DGKD: variants seen among roughly 807,000 people sequenced by gnomAD.
DGKD encodes diacylglycerol kinase delta.
DGKD carries 68 observed loss-of-function variants against 154.4 expected under a neutral mutation model. That is an observed-to-expected ratio of 0.44 (90% confidence interval 0.36 to 0.54). The LOEUF (loss-of-function observed/expected upper bound fraction) is 0.54. Ranked by LOEUF, DGKD falls within the 20% of genes least tolerant of loss-of-function variation. DGKD has a pLI of 0.00. For missense variants in DGKD, 1,343 were observed against 1,593.6 expected (o/e 0.84, Z 2.68); for synonymous variants, 693 against 638.0 (o/e 1.09, Z -1.30).
intron 1 of DGKD, among the ~76,000 whole-genome samples, chr2:233,370,587 T>TTTTGTTG (rs1277101505): frequency 7.6e-4 from 115 of 150,982 alleles, no homozygotes; most frequent in African/African-American, 2.7e-3. Context: ...TTTTTTTTTT[T>TTTTGTTG]TTGTTTGAGT....
At chr2:233,450,206 G>T in intron 16 of DGKD, 75 bp downstream of exon 16, 1 of 1,476,352 alleles carries the variant, frequency 6.8e-7, no homozygotes, top group Non-Finnish European at 9.0e-7. Context: ...CTTGCCAGGG[G>T]AGGTTTTAGG....
chr2:233,366,716 C>G (rs1296832457), intron 1 of DGKD, among the ~76,000 whole-genome samples: 1 of 152,156 alleles, frequency 6.6e-6, no homozygotes, highest in Non-Finnish European at 1.5e-5. Flanking sequence ...CCCAGTCATG[C>G]AGCAGCAGTG....
intron 19 of DGKD, 36 bp downstream of exon 19, chr2:233,454,909 C>T (rs1239802854): frequency 2.9e-5 from 39 of 1,343,608 alleles, no homozygotes; most frequent in Non-Finnish European, 3.5e-5. Context: ...CTGTCTTTTG[C>T]GTCTTTGTGG....
rs368353150 is a variant in DGKD at position 233,467,222 on chromosome 2, C to T, written c.3424+19C>T. ...GCCCCGGGTACCTGCCTCTCTCCCG[C>T]GTGTGTTTCTGGCCGTCCACGCCTG... On this transcript the variant is annotated intron_variant, in intron 28 of 29. Transcript: ENST00000264057. 2.5e-5 allele frequency: 40 copies of T among 1,570,774 alleles called. No homozygotes were observed. Among genetic ancestry groups the T allele is most frequent in the East Asian group, 2.0e-4 (9 of 44,712 alleles).
In DGKD at chr2:233,471,688, C is replaced by G. The variant is rs1197387128; in HGVS notation, c.*2228C>G. ...TATGTTGTCAGTGATTAGAACAACACTGTTTACATAAAAACCATTTTTCTA... is the reference window on the plus strand; with the variant it reads ...TATGTTGTCAGTGATTAGAACAACAGTGTTTACATAAAAACCATTTTTCTA... On this transcript the variant is annotated 3_prime_UTR_variant, in exon 30 of 30. Transcript: ENST00000264057. 6.6e-6 allele frequency: 1 copy of G among 152,402 alleles called. No homozygotes were observed. Among genetic ancestry groups the G allele is most frequent in the Non-Finnish European group, 1.5e-5 (1 of 68,050 alleles). 9.4% of individuals were successfully genotyped at this position (152,402 alleles called of 1,614,324 possible).
At chr2:233,386,589 G>A (rs1287073927) in intron 1 of DGKD, among the ~76,000 whole-genome samples, 3 of 152,238 alleles carry the variant, frequency 2.0e-5, no homozygotes, top group Admixed American at 2.0e-4. Flanking sequence ...TGGCAAACAA[G>A]CGTCATCAGA....
intron 17 of DGKD, 54 bp from the exon 18 acceptor site, chr2:233,451,907 TCTC>T (rs1165365249): frequency 7.0e-7 from 1 of 1,430,296 alleles, no homozygotes; most frequent in Non-Finnish European, 9.8e-7. Flanking sequence ...GACACGAGCT[TCTC>T]CTAAGGCTGT....
In DGKD at chr2:233,457,820, C is replaced by CTGT. The variant is rs2063508268; in HGVS notation, c.2581-463_2581-461dup. On this transcript the variant is annotated intron_variant, in intron 21 of 29. Transcript: ENST00000264057. This position sits in a 1 kb window ranked among gnomAD's most constrained non-coding sequence, Gnocchi z 5.5. ...GCTGCAGGGCCTGGGTCACACTGGG[C>CTGT]TGTGTGAGCTGGGGAAGAAGTTTGG... 2 of 339,078 alleles carry CTGT rather than the reference C, an allele frequency of 5.9e-6. No homozygotes were observed. Among genetic ancestry groups the CTGT allele is most frequent in the Non-Finnish European group, 1.2e-5 (2 of 171,830 alleles). The allele number at this position is 339,078 out of a possible 1,614,324, so 21.0% of individuals were successfully genotyped here.
intron 1 of DGKD, among the ~76,000 whole-genome samples, chr2:233,382,309 A>G (rs1702946101): frequency 6.6e-6 from 1 of 152,196 alleles, no homozygotes; most frequent in Non-Finnish European, 1.5e-5. Flanking sequence ...AAACATTTGT[A>G]TGTTAATTTT....
intron 3 of DGKD, among the ~76,000 whole-genome samples, chr2:233,430,794 ACT>A (rs2062482929): frequency 6.6e-6 from 1 of 152,090 alleles, no homozygotes; most frequent in Non-Finnish European, 1.5e-5. Flanking sequence ...CTTGAGGAGA[ACT>A]CTTTTTCCCC....
Position 233,379,128 on chromosome 2 carries a change from T to A in DGKD, c.157-9129T>A, listed in dbSNP as rs182563955. On this transcript the variant is annotated intron_variant, in intron 1 of 29. Transcript: ENST00000264057. ...TGGTCTGGGGAGGGAGACAGCCTCA[T>A]AATGGATGTTCATGTACTTGCAAAG... Among the ~76,000 whole-genome samples, 5 of 152,294 alleles carry A rather than the reference T, an allele frequency of 3.3e-5. No individual in the cohort carries two copies. The East Asian group carries it at 9.6e-4, about 29-fold the overall frequency.
intron 3 of DGKD, among the ~76,000 whole-genome samples, chr2:233,391,534 T>C (rs1042440797): frequency 1.3e-5 from 2 of 152,258 alleles, no homozygotes; most frequent in African/African-American, 4.8e-5. Flanking sequence ...CTTTACGGGC[T>C]GACTTTAGCG....
rs573247260 is a variant in DGKD at position 233,466,971 on chromosome 2, C to G, written c.3307-115C>G. ...GCCCTTTCAGGCACAAGAGGTCTTT[C>G]CCAGCTCCCGCTCATCTCAGCCCTG... On this transcript the variant is annotated intron_variant, in intron 27 of 29. Coordinates refer to ENST00000264057, the MANE Select transcript of DGKD (RefSeq NM_152879.3). The G allele has an allele frequency of 3.8e-6, 3 of 783,910 alleles. No individual in the cohort carries two copies. In the African/African-American group the frequency reaches 5.1e-5, roughly 13 times the overall value. The allele number at this position is 783,910 out of a possible 1,614,324, so 48.6% of individuals were successfully genotyped here.
Position 233,457,651 on chromosome 2 carries a change from G to A in DGKD, c.2580+323G>A. 1 of 488,154 alleles carries A rather than the reference G, an allele frequency of 2.0e-6. No individual in the cohort carries two copies. Among genetic ancestry groups the A allele is most frequent in the Non-Finnish European group, 4.0e-6 (1 of 249,050 alleles). The allele number at this position is 488,154 out of a possible 1,614,324, so 30.2% of individuals were successfully genotyped here. A position where few individuals can be genotyped will look rare whatever the true frequency, so the allele number is the denominator to read the frequency against. On this transcript the variant is annotated intron_variant, in intron 21 of 29. Coordinates refer to ENST00000264057, the MANE Select transcript of DGKD (RefSeq NM_152879.3). This position sits in a 1 kb window ranked among gnomAD's most constrained non-coding sequence, Gnocchi z 5.5. ...TGAGTTGGAGTTGGCTAAGTTAGGT[G>A]GGCAGAGGAGAGGGGGAGGCTGTTC...
rs1176404918 is a variant in DGKD, at chr2:233,445,500, T to A, written c.1195-123T>A. The A allele has an allele frequency of 9.3e-6, 13 of 1,392,956 alleles. No individual in the cohort carries two copies. The East Asian group carries it at 3.3e-4, about 35-fold the overall frequency. The allele number at this position is 1,392,956 out of a possible 1,614,324, so 86.3% of individuals were successfully genotyped here. On this transcript the variant is annotated intron_variant, in intron 10 of 29. Coordinates refer to ENST00000264057, the MANE Select transcript of DGKD (RefSeq NM_152879.3). This position sits in a 1 kb window ranked among gnomAD's most constrained non-coding sequence, Gnocchi z 5.5. ...GCCTGTAATGTGTAAGCTGCGTGGT[T>A]TTAGGTCACGTCCCCACATTGCTAA...
At chr2:233,464,512 G>A (rs981269385) in intron 27 of DGKD, among the ~76,000 whole-genome samples, 1 of 152,198 alleles carries the variant, frequency 6.6e-6, no homozygotes, top group African/African-American at 2.4e-5. Context: ...TGAGGACCAG[G>A]GACCTGTTGT....
chr2:233,405,518 A>G (rs372991821), intron 3 of DGKD, among the ~76,000 whole-genome samples: 22 of 141,452 alleles, frequency 1.6e-4, no homozygotes, highest in African/African-American at 3.6e-4. Context: ...AACTCTGTCT[A>G]AAAAAAAAAA....
intron 28 of DGKD, 130 bp downstream of exon 28, chr2:233,467,333 T>C: frequency 1.4e-6 from 1 of 716,098 alleles, no homozygotes. Context: ...TAACCCCCGG[T>C]CCTGCGACCA....
intron 1 of DGKD, among the ~76,000 whole-genome samples, chr2:233,360,984 GTTTTTTTTTT>G (rs10580286): frequency 3.9e-5 from 5 of 129,100 alleles, no homozygotes; most frequent in East Asian, 4.4e-4. Context: ...AGACAGTCAA[GTTTTTTTTTT>G]TTTTTTTTTT....
Sources: gnomAD v4.1 joint callset for allele counts (sites outside exome capture counted in the v4.1 genomes callset) on GRCh38, gnomAD v4.1.1 for gene constraint, Gnocchi (gnomAD v3.1) non-coding constraint, MANE v1.5 for transcripts, NCBI Gene and HGNC (gene_info 2026-07-23, HGNC 2026-07-21) for gene names.